Variants in SPATA16 observed in about 807,000 individuals in gnomAD.
SPATA16 encodes the protein spermatogenesis associated 16.
SPATA16 carries 36 observed loss-of-function variants against 63.3 expected under a neutral mutation model. That is an observed-to-expected ratio of 0.57 (90% CI 0.44 to 0.75). SPATA16 has a LOEUF of 0.75. Among genes scored for constraint, SPATA16 ranks in the 30% least tolerant of loss-of-function variants. SPATA16 has a pLI of 0.00. For synonymous variants in SPATA16, 203 were observed against 216.7 expected (o/e 0.94, Z 0.56); for missense variants, 646 against 679.3 (o/e 0.95, Z 0.54).
chr3:172,953,263 C>T (rs1577104038), intron 6 of SPATA16, among the ~76,000 whole-genome samples: 1 of 152,032 alleles, frequency 6.6e-6, no homozygotes, highest in East Asian at 1.9e-4. Context: ...GATGAACAAC[C>T]CCCCTCCCAC....
At chr3:173,083,252 G>A (rs1736966264) in intron 2 of SPATA16, among the ~76,000 whole-genome samples, 2 of 151,872 alleles carry the variant, frequency 1.3e-5, no homozygotes, top group African/African-American at 4.8e-5. Flanking sequence ...AATTTGGCAA[G>A]ATACTTAGGA....
intron 2 of SPATA16, among the ~76,000 whole-genome samples, chr3:173,109,280 C>T (rs1737691764): frequency 6.6e-6 from 1 of 152,074 alleles, no homozygotes; most frequent in Admixed American, 6.6e-5. Flanking sequence ...GTTATGGGGG[C>T]TGCATACAAA....
At position 172,972,318 on chromosome 3, in the gene SPATA16, C is replaced by T. The variant is rs539241194; in HGVS notation, c.933+4650G>A. ...GCCTGTGTTGGTGTCAACAGCTCTT[C>T]CAACAATCTCAAAAGAGGTCTTTCT... On this transcript the variant is annotated intron_variant, in intron 5 of 10. Coordinates refer to ENST00000351008, the MANE Select transcript of SPATA16 (RefSeq NM_031955.6). 8.5e-5 allele frequency among the ~76,000 whole-genome samples: 13 copies of T among 152,288 alleles called. No individual in the cohort carries two copies. The South Asian group carries it at 2.7e-3, about 32-fold the overall frequency.
chr3:173,023,229 T>G (rs1735377854), intron 3 of SPATA16, among the ~76,000 whole-genome samples: 1 of 151,560 alleles, frequency 6.6e-6, no homozygotes, highest in Non-Finnish European at 1.5e-5. Context: ...ATAAGTCTAT[T>G]TTGGTAATTA....
At chr3:172,930,202 T>G (rs1345859541) in intron 6 of SPATA16, among the ~76,000 whole-genome samples, 4 of 152,346 alleles carry the variant, frequency 2.6e-5, no homozygotes, top group African/African-American at 4.8e-5. Context: ...ATGAATATTT[T>G]TGATACATCA....
chr3:173,030,605 A>C (rs1735582728), intron 3 of SPATA16, among the ~76,000 whole-genome samples: 1 of 152,036 alleles, frequency 6.6e-6, no homozygotes, highest in African/African-American at 2.4e-5. Flanking sequence ...TGGAGAAATT[A>C]GAATGCTTGT....
At chr3:172,979,399 C>CA (rs1734246568) in intron 4 of SPATA16, among the ~76,000 whole-genome samples, 1 of 152,042 alleles carries the variant, frequency 6.6e-6, no homozygotes, top group South Asian at 2.1e-4. Flanking sequence ...TTGAAACATG[C>CA]AAAAAATGTA....
At chr3:173,062,976 G>GC (rs1300750065) in intron 2 of SPATA16, among the ~76,000 whole-genome samples, 1 of 152,134 alleles carries the variant, frequency 6.6e-6, no homozygotes, top group African/African-American at 2.4e-5. Flanking sequence ...ATGCTCGCTG[G>GC]CCCCCCACTC....
At chr3:173,013,121 A>G (rs1317955576) in intron 4 of SPATA16, among the ~76,000 whole-genome samples, 1 of 152,236 alleles carries the variant, frequency 6.6e-6, no homozygotes, top group Non-Finnish European at 1.5e-5. Context: ...ATGAACAGAC[A>G]CTTCTCAAAG....
At chr3:173,056,653 G>A (rs1197684524) in intron 2 of SPATA16, among the ~76,000 whole-genome samples, 2 of 136,746 alleles carry the variant, frequency 1.5e-5, no homozygotes, top group Admixed American at 8.0e-5. Context: ...GCAGTAAGCC[G>A]AGATAGTGCC....
intron 2 of SPATA16, among the ~76,000 whole-genome samples, chr3:173,108,144 T>G (rs1195729204): frequency 6.6e-6 from 1 of 152,172 alleles, no homozygotes; most frequent in Non-Finnish European, 1.5e-5. Context: ...GATTAATTGT[T>G]CATTTTTTTC....
At chr3:172,942,192 C>T (rs192208559) in intron 6 of SPATA16, among the ~76,000 whole-genome samples, 3 of 152,138 alleles carry the variant, frequency 2.0e-5, no homozygotes, top group Admixed American at 1.3e-4. Context: ...GTCTCAGGGA[C>T]TTATACTCTG....
At chr3:173,115,447 T>C (rs1016847542) in intron 2 of SPATA16, among the ~76,000 whole-genome samples, 4 of 152,224 alleles carry the variant, frequency 2.6e-5, no homozygotes, top group African/African-American at 9.6e-5. Context: ...TAGCATTCTT[T>C]TCCTAGACGA....
At chr3:172,901,196 T>G (rs1732119307) in intron 10 of SPATA16, among the ~76,000 whole-genome samples, 1 of 152,122 alleles carries the variant, frequency 6.6e-6, no homozygotes, top group African/African-American at 2.4e-5. Context: ...CTTTAAAACA[T>G]CAGATAATTC....
At chr3:173,088,230 G>T (rs1737132664) in intron 2 of SPATA16, among the ~76,000 whole-genome samples, 1 of 151,036 alleles carries the variant, frequency 6.6e-6, no homozygotes, top group Non-Finnish European at 1.5e-5. Context: ...TACTACAGGT[G>T]TGCACTACCA....
intron 2 of SPATA16, among the ~76,000 whole-genome samples, chr3:173,089,355 A>G (rs778863132): frequency 1.3e-5 from 2 of 152,176 alleles, no homozygotes; most frequent in Non-Finnish European, 2.9e-5. Flanking sequence ...CTGCAAGTTT[A>G]TTTTAGCTTC....
chr3:172,987,003 A>G (rs1194956914), intron 4 of SPATA16, among the ~76,000 whole-genome samples: 1 of 152,200 alleles, frequency 6.6e-6, no homozygotes, highest in Admixed American at 6.5e-5. Flanking sequence ...GGTACATTCC[A>G]GGCCCTGTGT....
intron 4 of SPATA16, among the ~76,000 whole-genome samples, chr3:173,007,176 C>T (rs1407585201): frequency 6.6e-6 from 1 of 152,086 alleles, no homozygotes; most frequent in Non-Finnish European, 1.5e-5. Context: ...GGGCCAAGAG[C>T]TTATAAGACT....
intron 7 of SPATA16, among the ~76,000 whole-genome samples, chr3:172,924,877 G>A (rs1366089643): frequency 6.6e-6 from 1 of 152,048 alleles, no homozygotes; most frequent in African/African-American, 2.4e-5. Context: ...GTTTCGACTC[G>A]GATTACTGAA....
Sources: gnomAD v4.1 joint callset for allele counts (sites outside exome capture counted in the v4.1 genomes callset) on GRCh38, gnomAD v4.1.1 for gene constraint, MANE v1.5 for transcripts, NCBI Gene and HGNC (gene_info 2026-07-23, HGNC 2026-07-21) for gene names.